CSMD1: variants seen among roughly 807,000 people sequenced by gnomAD.
CSMD1 encodes the protein CUB and sushi domain-containing protein 1.
In CSMD1, 213 loss-of-function variants were observed where a neutral mutation model predicts 417.5. The observed-to-expected ratio is 0.51, with a 90% CI of 0.46 to 0.57. The LOEUF is 0.57. CSMD1 is among the 20% of genes least tolerant of loss of function. The probability of loss-of-function intolerance (pLI) is 0.00; values close to 1 mark genes in which losing one functional copy is unlikely to be tolerated. For synonymous variants in CSMD1, 2,862 were observed against 1,736.8 expected, an observed-to-expected ratio of 1.65 and a Z score of -16.11; for missense variants, 6,923 against 4,529.7, an observed-to-expected ratio of 1.53 and a Z score of -15.17.
intron 39 of CSMD1, among the ~76,000 whole-genome samples, chr8:3,155,359 A>ATTTTTTTTTTTTTTTT (rs556304192): frequency 0.013 from 545 of 43,312 alleles, 184 homozygotes; most frequent in Non-Finnish European, 0.019. Flanking sequence ...CAAGGCTGGG[A>ATTTTTTTTTTTTTTTT]TTTTTTTTTT....
At chr8:4,742,773 C>A (rs1329392750) in intron 1 of CSMD1, among the ~76,000 whole-genome samples, 1 of 152,072 alleles carries the variant, frequency 6.6e-6, no homozygotes, top group Admixed American at 6.5e-5. Flanking sequence ...AATGCCATGT[C>A]AGAAATGCTA....
At chr8:3,030,564 C>A (rs1585187392) in intron 50 of CSMD1, among the ~76,000 whole-genome samples, 1 of 151,992 alleles carries the variant, frequency 6.6e-6, no homozygotes, top group African/African-American at 2.4e-5. Context: ...GCAAACTCTA[C>A]CTCCCGGGTT....
At chr8:3,879,357 T>A (rs192381802) in intron 5 of CSMD1, among the ~76,000 whole-genome samples, 1 of 152,188 alleles carries the variant, frequency 6.6e-6, no homozygotes, top group African/African-American at 2.4e-5. Flanking sequence ...TAGAATCATC[T>A]AAGGAATCTC....
intron 7 of CSMD1, among the ~76,000 whole-genome samples, chr8:3,631,299 C>G (rs1796771734): frequency 6.6e-6 from 1 of 152,168 alleles, no homozygotes. Context: ...ATGGTAGCAG[C>G]GGATTTTCTG....
intron 1 of CSMD1, among the ~76,000 whole-genome samples, chr8:4,962,658 A>C (rs1479417551): frequency 6.6e-6 from 1 of 152,152 alleles, no homozygotes; most frequent in African/African-American, 2.4e-5. Flanking sequence ...TTATTCAGTG[A>C]AGAATACTGC....
intron 1 of CSMD1, among the ~76,000 whole-genome samples, chr8:4,739,372 C>A (rs1810453448): frequency 6.6e-6 from 1 of 152,158 alleles, no homozygotes; most frequent in Non-Finnish European, 1.5e-5. Flanking sequence ...CACAAATGTT[C>A]AGCTCAGTCA....
At chr8:3,372,494 G>C (rs754817615) in intron 18 of CSMD1, among the ~76,000 whole-genome samples, 3 of 152,184 alleles carry the variant, frequency 2.0e-5, no homozygotes, top group Non-Finnish European at 4.4e-5. Context: ...CCCCGAACCA[G>C]GGCATTGGCA....
intron 11 of CSMD1, among the ~76,000 whole-genome samples, chr8:3,470,176 A>G (rs1347248107): frequency 1.3e-5 from 2 of 152,144 alleles, no homozygotes; most frequent in East Asian, 1.9e-4. Context: ...CATCTTCTTT[A>G]AAGTTTTTTT....
In CSMD1 at chr8:3,982,197, A is replaced by AATAATAATAATATTAAT. The variant is rs199836458; in HGVS notation, c.818+15705_818+15706insATTAATATTATTATTAT. Among the ~76,000 whole-genome samples, 47 of 105,530 alleles carry AATAATAATAATATTAAT rather than the reference A, an allele frequency of 4.5e-4. No individual in the cohort carries two copies. The East Asian group carries it at 6.5e-3, about 15-fold the overall frequency. The allele number at this position is 105,530 out of a possible 152,430, so 69.2% of individuals were successfully genotyped here. A position where few individuals can be genotyped will look rare whatever the true frequency, so the allele number is the denominator to read the frequency against. ...TAATAATAATAATAATAATATTAAT[A>AATAATAATAATATTAAT]AAAAAAATAATAATAATAAACTAGT... On this transcript the variant is annotated intron_variant, in intron 5 of 69. Transcript: ENST00000635120.
intron 1 of CSMD1, among the ~76,000 whole-genome samples, chr8:4,806,939 T>A (rs74439168): frequency 0.068 from 10,413 of 152,252 alleles, 576 homozygotes; most frequent in East Asian, 0.23. Context: ...TCTTAAGCTA[T>A]TATTTATGTT....
At chr8:3,231,362 T>C (rs1355737814) in intron 26 of CSMD1, among the ~76,000 whole-genome samples, 2 of 152,116 alleles carry the variant, frequency 1.3e-5, no homozygotes, top group Non-Finnish European at 2.9e-5. Flanking sequence ...CCAAGTTTTA[T>C]GAAAGAGCAA....
intron 5 of CSMD1, among the ~76,000 whole-genome samples, chr8:3,881,011 G>A (rs940554303): frequency 6.6e-6 from 1 of 151,992 alleles, no homozygotes; most frequent in African/African-American, 2.4e-5. Flanking sequence ...ATTTTAAAAA[G>A]AAATCATTTA....
At chr8:3,420,072 G>C (rs1262482315) in intron 12 of CSMD1, among the ~76,000 whole-genome samples, 2 of 152,034 alleles carry the variant, frequency 1.3e-5, no homozygotes, top group Non-Finnish European at 2.9e-5. Flanking sequence ...CTATCTCTTT[G>C]CTATTATTAT....
At chr8:4,007,049 A>C (rs1246552270) in intron 4 of CSMD1, among the ~76,000 whole-genome samples, 1 of 151,990 alleles carries the variant, frequency 6.6e-6, no homozygotes, top group African/African-American at 2.4e-5. Context: ...CGTGTTAGCC[A>C]GGATGGTCTC....
At chr8:4,022,630 T>A (rs534593630) in intron 4 of CSMD1, among the ~76,000 whole-genome samples, 1 of 152,122 alleles carries the variant, frequency 6.6e-6, no homozygotes, top group African/African-American at 2.4e-5. Flanking sequence ...GAAACCATTC[T>A]GGAACCCTCT....
intron 51 of CSMD1, among the ~76,000 whole-genome samples, chr8:3,026,734 G>A (rs996739738): frequency 1.3e-5 from 2 of 152,240 alleles, no homozygotes; most frequent in African/African-American, 2.4e-5. Flanking sequence ...GCGAATCTGT[G>A]TTATCATGAG....
intron 40 of CSMD1, among the ~76,000 whole-genome samples, chr8:3,150,183 A>T (rs1425475634): frequency 6.6e-6 from 1 of 152,114 alleles, no homozygotes; most frequent in Non-Finnish European, 1.5e-5. Context: ...GAAAAAAACA[A>T]AACCAGCAAA....
At position 4,709,757 on chromosome 8, in the gene CSMD1, C is replaced by T. The variant is rs561901105; in HGVS notation, c.86-72199G>A. ...TGGGTGCAGGTGAGCTCCATCAGTG[C>T]GTCCCTATGGCTCCCAGGGAGAAGT... On this transcript the variant is annotated intron_variant, in intron 1 of 69. Transcript: ENST00000635120. Among the ~76,000 whole-genome samples the T allele has an allele frequency of 2.6e-4, 40 of 152,248 alleles. 1 individual carries two copies. The highest frequency in any genetic ancestry group is 8.9e-4 in the African/African-American group (37 of 41,550).
At chr8:4,726,382 T>C (rs1443942781) in intron 1 of CSMD1, among the ~76,000 whole-genome samples, 2 of 152,172 alleles carry the variant, frequency 1.3e-5, no homozygotes, top group Non-Finnish European at 2.9e-5. Flanking sequence ...TCTCTTCTAA[T>C]GACTAAAAAT....
Sources: gnomAD v4.1 joint callset for allele counts (sites outside exome capture counted in the v4.1 genomes callset) on GRCh38, gnomAD v4.1.1 for gene constraint, MANE v1.5 for transcripts, NCBI Gene and HGNC (gene_info 2026-07-23, HGNC 2026-07-21) for gene names.